Variants in HSD17B11 observed in about 807,000 individuals in gnomAD.
The protein encoded by HSD17B11 is estradiol 17-beta-dehydrogenase 11.
Under a neutral mutation model 27.8 loss-of-function variants are expected in HSD17B11, and 22 were observed. The observed-to-expected ratio is 0.79, with a 90% confidence interval of 0.56 to 1.13. The LOEUF (loss-of-function observed/expected upper bound fraction) is 1.13, where lower values mean the gene tolerates loss of function less well. Ranked by LOEUF, HSD17B11 falls within the 50% of genes most tolerant of loss-of-function variation. HSD17B11 has a pLI of 0.00. For synonymous variants in HSD17B11, 117 were observed against 132.8 expected (o/e 0.88, Z 0.82); for missense variants, 314 against 351.1 (o/e 0.89, Z 0.84).
intron 6 of HSD17B11, among the ~76,000 whole-genome samples, chr4:87,340,078 T>A (rs1735137601): frequency 6.7e-6 from 1 of 148,868 alleles, no homozygotes; most frequent in African/African-American, 2.4e-5. Context: ...TAGCAATTCA[T>A]ATACTTCAGT....
intron 4 of HSD17B11, among the ~76,000 whole-genome samples, chr4:87,372,481 G>A (rs1428065564): frequency 5.3e-5 from 8 of 151,920 alleles, no homozygotes; most frequent in South Asian, 2.1e-4. Flanking sequence ...ATACATTTCC[G>A]GCTGCTACCT....
intron 5 of HSD17B11, among the ~76,000 whole-genome samples, chr4:87,346,874 A>T (rs1002794205): frequency 3.2e-4 from 49 of 151,926 alleles, no homozygotes; most frequent in African/African-American, 1.1e-3. Flanking sequence ...TAAAAGAAAA[A>T]ATATATATAT....
At chr4:87,373,762 A>G (rs1168499892) in intron 3 of HSD17B11, among the ~76,000 whole-genome samples, 1 of 152,154 alleles carries the variant, frequency 6.6e-6, no homozygotes, top group African/African-American at 2.4e-5. Flanking sequence ...CACAAAACAT[A>G]AAGATATATG....
intron 5 of HSD17B11, among the ~76,000 whole-genome samples, chr4:87,355,818 C>T (rs1244353611): frequency 6.6e-6 from 1 of 151,976 alleles, no homozygotes; most frequent in Non-Finnish European, 1.5e-5. Flanking sequence ...GCACAAGAGT[C>T]GCTTGAACCT....
At chr4:87,361,035 A>G (rs772348684) in intron 4 of HSD17B11, among the ~76,000 whole-genome samples, 1 of 152,254 alleles carries the variant, frequency 6.6e-6, no homozygotes, top group Non-Finnish European at 1.5e-5. Context: ...CATGTAAACC[A>G]CAGCAACTCC....
At chr4:87,371,974 G>A (rs1463115620) in intron 4 of HSD17B11, among the ~76,000 whole-genome samples, 2 of 152,132 alleles carry the variant, frequency 1.3e-5, no homozygotes, top group African/African-American at 2.4e-5. Context: ...TGGGCGAGGT[G>A]GCTTACACCT....
chr4:87,377,097 G>A (rs7684816), intron 2 of HSD17B11, among the ~76,000 whole-genome samples: 4 of 149,990 alleles, frequency 2.7e-5, no homozygotes, highest in Admixed American at 6.7e-5. Flanking sequence ...ACCATTGCAC[G>A]CCCGCCTGGG....
At chr4:87,373,547 A>C (rs1359625618) in intron 3 of HSD17B11, among the ~76,000 whole-genome samples, 3 of 151,794 alleles carry the variant, frequency 2.0e-5, no homozygotes, top group Non-Finnish European at 4.4e-5. Flanking sequence ...TCATCTCCAC[A>C]AAAAATACAA....
At chr4:87,373,606 A>T (rs1735762855) in intron 3 of HSD17B11, among the ~76,000 whole-genome samples, 1 of 152,030 alleles carries the variant, frequency 6.6e-6, no homozygotes, top group Non-Finnish European at 1.5e-5. Flanking sequence ...GCTACTAGGG[A>T]GGCCAAGGTG....
chr4:87,340,455 C>T (rs958640579), intron 6 of HSD17B11, 35 bp downstream of exon 6: 4 of 1,320,838 alleles, frequency 3.0e-6, no homozygotes, highest in Non-Finnish European at 3.2e-6. Flanking sequence ...TGTTATTTTA[C>T]CTTTCATTTC....
chr4:87,379,925 A>T (rs752228899), intron 2 of HSD17B11, among the ~76,000 whole-genome samples: 1 of 146,398 alleles, frequency 6.8e-6, no homozygotes, highest in Non-Finnish European at 1.5e-5. Context: ...TTATATATTT[A>T]TATATACTAT....
At chr4:87,376,411 A>C (rs1735823963) in intron 2 of HSD17B11, among the ~76,000 whole-genome samples, 1 of 148,048 alleles carries the variant, frequency 6.8e-6, no homozygotes, top group African/African-American at 2.5e-5. Flanking sequence ...AGGCTGAGGC[A>C]GGAGAATCGC....
chr4:87,374,893 A>C, intron 2 of HSD17B11, 63 bp from the exon 3 acceptor site: 1 of 1,270,724 alleles, frequency 7.9e-7, no homozygotes, highest in South Asian at 1.4e-5. Flanking sequence ...TTTATACACA[A>C]TGGCTATTTT....
At chr4:87,374,891 C>T (rs1735789018) in intron 2 of HSD17B11, 61 bp from the exon 3 acceptor site, 37 of 1,263,870 alleles carry the variant, frequency 2.9e-5, no homozygotes, top group Non-Finnish European at 3.7e-5. Context: ...AGTTTATACA[C>T]AATGGCTATT....
chr4:87,340,220 C>T (rs1735140034), intron 6 of HSD17B11: 1 of 202,174 alleles, frequency 4.9e-6, no homozygotes, highest in East Asian at 1.3e-4. Context: ...AAAAACTATC[C>T]TTCTTCAGAG....
intron 3 of HSD17B11, chr4:87,374,459 A>G: frequency 3.3e-6 from 1 of 298,976 alleles, no homozygotes; most frequent in Non-Finnish European, 6.1e-6. Flanking sequence ...CTTAGAATTA[A>G]AACATATACA....
At chr4:87,347,111 TTTTTC>T (rs1033897172) in intron 5 of HSD17B11, among the ~76,000 whole-genome samples, 6 of 72,314 alleles carry the variant, frequency 8.3e-5, no homozygotes, top group Non-Finnish European at 1.2e-4. Flanking sequence ...GGATTTTTTT[TTTTTC>T]TTTTTTTTTT....
chr4:87,364,104 A>T (rs1411829998), intron 4 of HSD17B11, among the ~76,000 whole-genome samples: 1 of 152,150 alleles, frequency 6.6e-6, no homozygotes, highest in Non-Finnish European at 1.5e-5. Context: ...TTTGCTGGAA[A>T]AAGGTTTTTT....
intron 5 of HSD17B11, among the ~76,000 whole-genome samples, chr4:87,353,054 G>A (rs1735315561): frequency 7.7e-6 from 1 of 130,670 alleles, no homozygotes; most frequent in Non-Finnish European, 1.6e-5. Context: ...CGGTACCTCA[G>A]ATGGAAATGC....
Sources: allele counts gnomAD v4.1 joint callset (sites outside exome capture counted in the v4.1 genomes callset), GRCh38; gene constraint gnomAD v4.1.1; transcripts MANE v1.5; gene names NCBI Gene and HGNC (gene_info 2026-07-23, HGNC 2026-07-21).